The following ATAD2B variants were observed in gnomAD, a reference collection of about 807,000 sequenced individuals.
ATAD2B encodes ATPase family AAA domain containing 2B, also known as ATPase family AAA domain-containing protein 2B.
ATAD2B carries 40 observed loss-of-function variants against 167.6 expected under a neutral mutation model. That is an observed-to-expected ratio of 0.24 (90% CI 0.19 to 0.31). ATAD2B has a LOEUF of 0.31. Among genes scored for constraint, ATAD2B ranks in the 10% least tolerant of loss-of-function variants. ATAD2B has a pLI of 1.00. For synonymous variants in ATAD2B, 579 were observed against 596.5 expected (o/e 0.97, Z 0.43); for missense variants, 1,242 against 1,757.2 (o/e 0.71, Z 5.24).
chr2:23,802,490 T>C (rs989306579), intron 18 of ATAD2B, among the ~76,000 whole-genome samples: 1 of 152,096 alleles, frequency 6.6e-6, no homozygotes, highest in Non-Finnish European at 1.5e-5. Context: ...TACTAGTTTC[T>C]GAACTATGGT....
chr2:23,710,134 A>T, the ATAD2B span, among the ~76,000 whole-genome samples: 2 of 150,922 alleles, frequency 1.3e-5, no homozygotes, highest in East Asian at 3.9e-4. Flanking sequence ...TTAAACCCAT[A>T]GCCAAAATAA....
intron 13 of ATAD2B, among the ~76,000 whole-genome samples, chr2:23,854,457 C>T (rs1693040483): frequency 6.6e-6 from 1 of 151,946 alleles, no homozygotes; most frequent in Non-Finnish European, 1.5e-5. Context: ...GTGGGTGGAT[C>T]ACCTGAGGTC....
intron 16 of ATAD2B, among the ~76,000 whole-genome samples, chr2:23,821,069 G>T (rs1359740635): frequency 3.3e-5 from 5 of 152,042 alleles, no homozygotes; most frequent in Admixed American, 3.3e-4. Context: ...AATATTAAAG[G>T]TCAAAACAAG....
chr2:23,788,292 A>C, intron 20 of ATAD2B: 1 of 507,508 alleles, frequency 2.0e-6, no homozygotes, highest in Non-Finnish European at 3.5e-6. Flanking sequence ...GGTTGAAGTC[A>C]TAAGAAGAAG....
At chr2:23,717,288 G>A in the ATAD2B span, among the ~76,000 whole-genome samples, 2 of 152,066 alleles carry the variant, frequency 1.3e-5, no homozygotes, top group African/African-American at 4.8e-5. Context: ...GCCATGCTGA[G>A]GAGAGCAGTG....
chr2:23,811,695 A>G (rs1685621506), intron 17 of ATAD2B, among the ~76,000 whole-genome samples: 3 of 152,182 alleles, frequency 2.0e-5, no homozygotes. Context: ...ATGTATACCT[A>G]CGTAACAAAC....
Position 23,801,722 on chromosome 2 carries a change from T to C in ATAD2B, c.2455-3399A>G, listed in dbSNP as rs563498382. On this transcript the variant is annotated intron_variant, in intron 18 of 27. Coordinates refer to ENST00000238789, the MANE Select transcript of ATAD2B (RefSeq NM_017552.4). The stretch of plus-strand genomic sequence containing the variant: ...TAGATAACTAATTTTTTTAAAACTT[T>C]CTTTATTAAAAAAAAATCACAAACT... 7.9e-5 allele frequency among the ~76,000 whole-genome samples: 12 copies of C among 152,142 alleles called. No homozygotes were observed. The South Asian group carries it at 2.3e-3, about 29-fold the overall frequency.
rs1187571413 is a variant in ATAD2B, at chr2:23,762,253, C to G, written c.3350G>C (p.Arg1117Thr). 2 of 1,613,466 alleles carry G rather than the reference C, an allele frequency of 1.2e-6. No homozygotes were observed. The highest frequency in any genetic ancestry group is 1.3e-5 in the African/African-American group (1 of 74,890). ...RVEEAFRHKQ[R>T]NPMDVWHNSA... ...GTTGTGCCACACATCCATTGGATTT[C>G]TTTGTTTGTGCCGAAATGCCTCTTC... The change falls in exon 24 of 28, where the codon AGA (arginine) becomes ACA (threonine). Residue 1117 changes from arginine to threonine, a missense_variant. Coordinates refer to ENST00000238789, the MANE Select transcript of ATAD2B (RefSeq NM_017552.4).
At position 23,855,301 on chromosome 2, in the gene ATAD2B, T is replaced by C. The variant is rs146419544; in HGVS notation, c.1568+2114A>G. On this transcript the variant is annotated intron_variant, in intron 13 of 27. Transcript: ENST00000238789. Reference sequence around the variant, plus strand: ...TACAGACATTTCACAAATGAAAATATATAAACAGGCAATAAACACAAAGAT... The same window carrying C: ...TACAGACATTTCACAAATGAAAATACATAAACAGGCAATAAACACAAAGAT... Among the ~76,000 whole-genome samples the C allele has an allele frequency of 4.2e-3, 644 of 151,860 alleles. 1 individual carries two copies. Among genetic ancestry groups the C allele is most frequent in the Middle Eastern group, 0.027 (8 of 292 alleles).
chr2:23,759,325 A>G (rs1002544573), intron 24 of ATAD2B, among the ~76,000 whole-genome samples: 1 of 152,214 alleles, frequency 6.6e-6, no homozygotes, highest in African/African-American at 2.4e-5. Context: ...GAAAATATAA[A>G]TATGAAATCA....
the ATAD2B span, chr2:23,691,360 C>T: frequency 0.011 from 4,382 of 399,664 alleles, 36 homozygotes; most frequent in Middle Eastern, 0.026. Flanking sequence ...TGGGCTGAAC[C>T]GTATTGTTTC....
At chr2:23,919,259 A>C (rs1202741908) in intron 1 of ATAD2B, among the ~76,000 whole-genome samples, 1 of 152,182 alleles carries the variant, frequency 6.6e-6, no homozygotes, top group Non-Finnish European at 1.5e-5. Flanking sequence ...AATTCACTCA[A>C]AAAGTATTAA....
chr2:23,760,817 C>A (rs893450243), intron 24 of ATAD2B, among the ~76,000 whole-genome samples: 19 of 147,658 alleles, frequency 1.3e-4, no homozygotes, highest in Non-Finnish European at 1.8e-4. Flanking sequence ...CATTTAGAGA[C>A]ACGATCTTTA....
chr2:23,817,538 G>A (rs1256929283), intron 17 of ATAD2B, among the ~76,000 whole-genome samples: 1 of 152,124 alleles, frequency 6.6e-6, no homozygotes, highest in East Asian at 1.9e-4. Flanking sequence ...TGCTTTCACA[G>A]CACTTTCGCC....
chr2:23,762,454 A>G (rs1676870577), intron 23 of ATAD2B, 108 bp from the exon 24 acceptor site: 1 of 1,170,562 alleles, frequency 8.5e-7, no homozygotes, highest in Middle Eastern at 2.1e-4. Context: ...GTCATTAATT[A>G]TACTAGGGCA....
At chr2:23,704,824 C>T in the ATAD2B span, among the ~76,000 whole-genome samples, 4 of 152,204 alleles carry the variant, frequency 2.6e-5, no homozygotes, top group African/African-American at 9.7e-5. Context: ...CAGATGCTTC[C>T]TGAAGACATC....
In ATAD2B at chr2:23,926,522, C is replaced by G. The variant is rs1257607532; in HGVS notation, c.216+33G>C. ...GCCCCGGCAGCAGGGCCGGCACTTC[C>G]GAGCCTCCGGACTCGGGACGCCGCG... On this transcript the variant is annotated intron_variant, in intron 1 of 27. Transcript: ENST00000238789. The G allele has an allele frequency of 2.6e-6, 4 of 1,533,036 alleles. No individual in the cohort carries two copies. The African/African-American group carries it at 5.5e-5, about 21-fold the overall frequency. 95.0% of individuals were successfully genotyped at this position (1,533,036 alleles called of 1,614,324 possible). A position where few individuals can be genotyped will look rare whatever the true frequency, so the allele number is the denominator to read the frequency against.
At chr2:23,820,552 C>A (rs1401544107) in intron 16 of ATAD2B, among the ~76,000 whole-genome samples, 1 of 152,044 alleles carries the variant, frequency 6.6e-6, no homozygotes, top group Non-Finnish European at 1.5e-5. Flanking sequence ...TTCAAACATG[C>A]CTAATTAAAA....
At chr2:23,721,771 G>A in the ATAD2B span, among the ~76,000 whole-genome samples, 1 of 151,516 alleles carries the variant, frequency 6.6e-6, no homozygotes, top group Non-Finnish European at 1.5e-5. Context: ...TCATGCGGCT[G>A]TGTCCCAAGC....
Sources: gnomAD v4.1 joint callset for allele counts (sites outside exome capture counted in the v4.1 genomes callset) on GRCh38, gnomAD v4.1.1 for gene constraint, MANE v1.5 for transcripts, NCBI Gene and HGNC (gene_info 2026-07-23, HGNC 2026-07-21) for gene names.